CIT: variants seen among roughly 807,000 people sequenced by gnomAD.
CIT encodes the protein citron Rho-interacting kinase.
In CIT, 79 loss-of-function variants were observed where a neutral mutation model predicts 272.7. The observed-to-expected ratio is 0.29, with a 90% CI of 0.24 to 0.35. CIT has a LOEUF of 0.35. Among genes scored for constraint, CIT ranks in the 10% least tolerant of loss-of-function variants. The pLI is 1.00. For missense variants in CIT, 1,909 were observed against 2,618.3 expected (o/e 0.73, Z 5.91); for synonymous variants, 948 against 995.6 (o/e 0.95, Z 0.90).
intron 4 of CIT, among the ~76,000 whole-genome samples, chr12:119,850,514 A>AAGGGG (rs1474211129): frequency 6.6e-6 from 1 of 150,748 alleles, no homozygotes; most frequent in Non-Finnish European, 1.5e-5. Context: ...AAGGGAAGGG[A>AAGGGG]AGGGGAAGGG....
chr12:119,701,830 A>G lies in CIT; in HGVS notation c.5413+20T>C. The G allele has an allele frequency of 6.2e-7, 1 of 1,614,128 alleles. No homozygotes were observed. Among genetic ancestry groups the G allele is most frequent in the Non-Finnish European group, 8.5e-7 (1 of 1,179,968 alleles). On this transcript the variant is annotated intron_variant, in intron 42 of 47. Coordinates refer to ENST00000392521, the MANE Select transcript of CIT (RefSeq NM_001206999.2). ...GCGGCCTGAGCCATGGGTGGGTGCG[A>G]AAGTGGAGGTGGGTCCTACCCTCGA...
At chr12:119,695,051 C>T (rs1956159268) in intron 46 of CIT, among the ~76,000 whole-genome samples, 1 of 152,146 alleles carries the variant, frequency 6.6e-6, no homozygotes, top group South Asian at 2.1e-4. Flanking sequence ...TCTGCTTTTC[C>T]AGCAAGTTCC....
chr12:119,846,537 C>T (rs1272661405), intron 5 of CIT, among the ~76,000 whole-genome samples: 1 of 152,168 alleles, frequency 6.6e-6, no homozygotes. Context: ...CACTTAGATT[C>T]TGTGTGGCCT....
intron 32 of CIT, among the ~76,000 whole-genome samples, chr12:119,715,589 T>C (rs1372115236): frequency 6.6e-6 from 1 of 152,026 alleles, no homozygotes; most frequent in Non-Finnish European, 1.5e-5. Context: ...TGGGGGGGTG[T>C]CAAAATTGTT....
intron 23 of CIT, among the ~76,000 whole-genome samples, chr12:119,750,641 C>A (rs1178188639): frequency 1.3e-5 from 2 of 151,714 alleles, no homozygotes; most frequent in Admixed American, 1.3e-4. Context: ...CTATACAGAC[C>A]CTGGCACTGT....
chr12:119,690,865 G>A lies in CIT; in HGVS notation c.5883-411C>T, dbSNP rs1388944673. 6.6e-6 allele frequency among the ~76,000 whole-genome samples: 1 copy of A among 152,178 alleles called. No individual in the cohort carries two copies. Among genetic ancestry groups the A allele is most frequent in the Non-Finnish European group, 1.5e-5 (1 of 68,024 alleles). On this transcript the variant is annotated intron_variant, in intron 46 of 47. Transcript: ENST00000392521. This position sits in a 1 kb window ranked among gnomAD's most constrained non-coding sequence, Gnocchi z 6.0. ...GCCTGAGCTAATGAGTGGTAGAGCT[G>A]GGATTCCAATAAAGACCAGTTTGAT...
intron 7 of CIT, among the ~76,000 whole-genome samples, chr12:119,827,061 G>GT (rs1381144906): frequency 1.3e-5 from 2 of 152,106 alleles, no homozygotes; most frequent in African/African-American, 4.8e-5. Flanking sequence ...TCTGATACAG[G>GT]TTTTTCCAAG....
intron 12 of CIT, 86 bp from the exon 13 acceptor site, chr12:119,782,723 C>A: frequency 6.5e-7 from 1 of 1,536,456 alleles, no homozygotes. Context: ...CAAGCTGCTT[C>A]GCAGACACCA....
intron 7 of CIT, among the ~76,000 whole-genome samples, chr12:119,828,670 C>G (rs1436079027): frequency 2.0e-5 from 3 of 152,018 alleles, no homozygotes; most frequent in Non-Finnish European, 4.4e-5. Flanking sequence ...TCAAGCAATT[C>G]TCCTGCCTCA....
intron 2 of CIT, among the ~76,000 whole-genome samples, chr12:119,870,549 CAAAAAAAAAAAAA>C (rs57894300): frequency 1.9e-5 from 1 of 52,442 alleles, no homozygotes; most frequent in African/African-American, 6.7e-5. Flanking sequence ...GACTCCCTCT[CAAAAAAAAAAAAA>C]AAAAAAAAAA....
chr12:119,820,366 C>G (rs1447051474), intron 9 of CIT, among the ~76,000 whole-genome samples: 1 of 151,978 alleles, frequency 6.6e-6, no homozygotes, highest in Non-Finnish European at 1.5e-5. Flanking sequence ...GCCTGACCAA[C>G]ATGGTGAAAC....
chr12:119,690,238 C>T lies in CIT; in HGVS notation c.6099G>A (p.Glu2033=). ...SPGRMLSTRR[E]RSPGRLFEDS... ...CTTCAAACAGCCTCCCGGGGGACCG[C>T]TCTCTCCGCGTGCTGAGCATCCGGC... The change falls in exon 47 of 48, where the codon GAG becomes GAA. Residue 2033 remains glutamate (E), a synonymous_variant. Transcript: ENST00000392521. The surrounding 1 kb of genome is among the most constrained non-coding windows in gnomAD (Gnocchi z 6.0). 6.4e-7 allele frequency: 1 copy of T among 1,550,494 alleles called. No homozygotes were observed. Among genetic ancestry groups the T allele is most frequent in the Non-Finnish European group, 8.6e-7 (1 of 1,159,508 alleles).
At chr12:119,853,593 A>T (rs1970376949) in intron 4 of CIT, among the ~76,000 whole-genome samples, 1 of 152,096 alleles carries the variant, frequency 6.6e-6, no homozygotes, top group South Asian at 2.1e-4. Flanking sequence ...ATGCTAGTTA[A>T]TATTAAACTA....
At chr12:119,759,358 T>A (rs1359651055) in intron 20 of CIT, among the ~76,000 whole-genome samples, 1 of 152,214 alleles carries the variant, frequency 6.6e-6, no homozygotes, top group Non-Finnish European at 1.5e-5. Context: ...GAGAATCGAA[T>A]GCCGCCAGCC....
At chr12:119,735,386 G>A (rs753998794) in intron 24 of CIT, 29 bp from the exon 25 acceptor site, 5 of 1,599,404 alleles carry the variant, frequency 3.1e-6, no homozygotes, top group South Asian at 2.2e-5. Flanking sequence ...CCAGTTACAC[G>A]CCAAGCACAT....
At chr12:119,731,843 T>G (rs1958473912) in intron 26 of CIT, among the ~76,000 whole-genome samples, 1 of 147,318 alleles carries the variant, frequency 6.8e-6, no homozygotes, top group Non-Finnish European at 1.5e-5. Flanking sequence ...TATATATACT[T>G]TTTTTTTTTT....
In CIT at chr12:119,731,813, A is replaced by AATATATAT. The variant is rs57327382; in HGVS notation, c.3351-1191_3351-1184dup. Among the ~76,000 whole-genome samples, 125 of 139,132 alleles carry AATATATAT rather than the reference A, an allele frequency of 9.0e-4. 1 individual carries two copies. Among genetic ancestry groups the AATATATAT allele is most frequent in the African/African-American group, 2.9e-3 (106 of 36,028 alleles). 91.3% of individuals were successfully genotyped at this position (139,132 alleles called of 152,430 possible). ...AAAGCATAACTGTATTTCTCTCCTAAATATATATATATATATATATATATA... is the reference window on the plus strand; with the variant it reads ...AAAGCATAACTGTATTTCTCTCCTAAATATATATATATATATATATATATATATATATA... On this transcript the variant is annotated intron_variant, in intron 26 of 47. Coordinates refer to ENST00000392521, the MANE Select transcript of CIT (RefSeq NM_001206999.2).
At chr12:119,704,248 G>A (rs1956751434) in intron 41 of CIT, 115 bp downstream of exon 41, 2 of 945,774 alleles carry the variant, frequency 2.1e-6, no homozygotes, top group Non-Finnish European at 3.3e-6. Context: ...AGGCCCGCAG[G>A]GTAGAAGGAA....
chr12:119,753,839 G>A (rs278133), intron 22 of CIT, among the ~76,000 whole-genome samples: 108,526 of 152,064 alleles, frequency 0.71, 39,390 homozygotes, highest in Middle Eastern at 0.86. Context: ...GAAAGGGCCA[G>A]TCTGAGGCAA....
Sources: gnomAD v4.1 joint callset for allele counts (sites outside exome capture counted in the v4.1 genomes callset) on GRCh38, gnomAD v4.1.1 for gene constraint, Gnocchi (gnomAD v3.1) non-coding constraint, MANE v1.5 for transcripts, NCBI Gene and HGNC (gene_info 2026-07-23, HGNC 2026-07-21) for gene names.